The following PALLD variants were observed in gnomAD, a reference collection of about 807,000 sequenced individuals.
PALLD encodes palladin.
In PALLD, 61 loss-of-function variants were observed where a neutral mutation model predicts 123.5. That is an observed-to-expected ratio of 0.49 (90% confidence interval 0.40 to 0.61). PALLD has a LOEUF of 0.61. Among genes scored for constraint, PALLD ranks in the 20% least tolerant of loss-of-function variants. The pLI is 0.00. For missense variants in PALLD, 1,273 were observed against 1,377.0 expected (o/e 0.92, Z 1.20); for synonymous variants, 465 against 496.4 (o/e 0.94, Z 0.84).
At chr4:168,885,108 C>T (rs374009780) in intron 10 of PALLD, among the ~76,000 whole-genome samples, 1 of 152,250 alleles carries the variant, frequency 6.6e-6, no homozygotes, top group African/African-American at 2.4e-5. Context: ...TCTTCTTCTT[C>T]TCCACTCTAC....
At chr4:168,616,182 C>T (rs1181124398) in intron 2 of PALLD, among the ~76,000 whole-genome samples, 1 of 152,126 alleles carries the variant, frequency 6.6e-6, no homozygotes, top group Non-Finnish European at 1.5e-5. Flanking sequence ...CCCACGCTAT[C>T]TTCTCTTTAA....
chr4:168,802,458 G>A (rs953975303), intron 10 of PALLD, among the ~76,000 whole-genome samples: 2 of 152,154 alleles, frequency 1.3e-5, no homozygotes, highest in Non-Finnish European at 2.9e-5. Flanking sequence ...ATAATCCTAA[G>A]TGAATTAACA....
intron 10 of PALLD, among the ~76,000 whole-genome samples, chr4:168,870,791 T>C (rs1290904803): frequency 2.0e-5 from 3 of 152,218 alleles, no homozygotes; most frequent in Non-Finnish European, 4.4e-5. Flanking sequence ...AGCCACACTA[T>C]TTGAACGTTT....
rs187792924 is a variant in PALLD, at chr4:168,661,301, G to A, written c.909-6889G>A. Among the ~76,000 whole-genome samples, 51 of 152,232 alleles carry A rather than the reference G, an allele frequency of 3.4e-4. No individual in the cohort carries two copies. In the East Asian group the frequency reaches 9.5e-3, roughly 28 times the overall value. ...TGTCTACAATTGGATTTTCTTCTCC[G>A]TTAGCCCCTGCTACTAGTCTCATGA... is the stretch of plus-strand genomic sequence containing the variant. On this transcript the variant is annotated intron_variant, in intron 2 of 21. Coordinates refer to ENST00000505667, the MANE Select transcript of PALLD (RefSeq NM_001166108.2).
At chr4:168,893,917 C>A (rs1754577336) in intron 11 of PALLD, among the ~76,000 whole-genome samples, 1 of 152,144 alleles carries the variant, frequency 6.6e-6, no homozygotes, top group Non-Finnish European at 1.5e-5. Context: ...CTTGTGTAAT[C>A]CTGTTGCTAA....
At chr4:168,663,323 A>G (rs1347432359) in intron 2 of PALLD, among the ~76,000 whole-genome samples, 1 of 152,026 alleles carries the variant, frequency 6.6e-6, no homozygotes, top group African/African-American at 2.4e-5. Flanking sequence ...AGCAAGGGGG[A>G]AATGTGGACA....
intron 2 of PALLD, among the ~76,000 whole-genome samples, chr4:168,659,141 A>G (rs1262111573): frequency 2.0e-5 from 3 of 152,354 alleles, no homozygotes; most frequent in Non-Finnish European, 1.5e-5. Context: ...ATGAAATGCA[A>G]TACTTATAGA....
intron 2 of PALLD, among the ~76,000 whole-genome samples, chr4:168,635,240 G>C (rs1226573661): frequency 6.6e-6 from 1 of 152,156 alleles, no homozygotes; most frequent in Admixed American, 6.5e-5. Flanking sequence ...TATACCCTAC[G>C]ATTAATAATG....
At chr4:168,892,147 A>G (rs1009703157) in intron 11 of PALLD, among the ~76,000 whole-genome samples, 2 of 152,172 alleles carry the variant, frequency 1.3e-5, no homozygotes, top group East Asian at 3.8e-4. Context: ...TCCTTTTAAA[A>G]TACTCTTTTC....
chr4:168,877,715 C>G, intron 10 of PALLD: 1 of 1,126,072 alleles, frequency 8.9e-7, no homozygotes, highest in Non-Finnish European at 1.1e-6. Context: ...TTCTCTTTTT[C>G]CCCCCAGGGA....
intron 15 of PALLD, among the ~76,000 whole-genome samples, chr4:168,909,399 A>G (rs997862771): frequency 2.6e-5 from 4 of 152,212 alleles, no homozygotes; most frequent in Non-Finnish European, 4.4e-5. Flanking sequence ...TGCACAAGGT[A>G]TGAAATAATC....
intron 2 of PALLD, among the ~76,000 whole-genome samples, chr4:168,612,254 CAAAA>C (rs5863950): frequency 1.6e-4 from 20 of 127,118 alleles, no homozygotes; most frequent in African/African-American, 4.8e-4. Context: ...TCTAGGTTTA[CAAAA>C]AAAAAAAAAA....
Position 168,511,545 on chromosome 4 carries a change from T to TC in PALLD, c.42dup (p.Ser15LeufsTer11). The stretch of plus-strand genomic sequence containing the variant: ...TCCCATGAGTCCTTCTATGACTCCC[T>TC]CTCAGACATGCAGGAAGAAAGCAAG... On this transcript the variant is annotated frameshift_variant, in exon 2 of 22. Transcript: ENST00000505667. LOFTEE classifies it high-confidence loss of function. 1 of 1,614,058 alleles carries TC rather than the reference T, an allele frequency of 6.2e-7. No homozygotes were observed.
chr4:168,584,681 T>C (rs1770636844), intron 2 of PALLD, among the ~76,000 whole-genome samples: 1 of 152,184 alleles, frequency 6.6e-6, no homozygotes, highest in African/African-American at 2.4e-5. Context: ...GTTTCTGCCA[T>C]CCAAAAATGA....
chr4:168,639,763 C>T (rs1170247760), intron 2 of PALLD, among the ~76,000 whole-genome samples: 1 of 152,064 alleles, frequency 6.6e-6, no homozygotes, highest in Non-Finnish European at 1.5e-5. Context: ...CCAGGATGGT[C>T]TCGATCTTCT....
At position 168,768,722 on chromosome 4, in the gene PALLD, G is replaced by GAC. The variant is rs1264161568; in HGVS notation, c.1964+56800_1964+56801insCA. Among the ~76,000 whole-genome samples the GAC allele has an allele frequency of 4.6e-5, 7 of 152,188 alleles. No individual in the cohort carries two copies. The East Asian group carries it at 1.3e-3, about 29-fold the overall frequency. On this transcript the variant is annotated intron_variant, in intron 10 of 21. Transcript: ENST00000505667. ...GGAGTCTTGCTCTGTCACCAGGCTG[G>GAC]AGTGCAGTGATGCCATCTCGGCTCA... is the stretch of plus-strand genomic sequence containing the variant.
chr4:168,586,494 G>T lies in PALLD; in HGVS notation c.908+74082G>T, dbSNP rs182547921. On this transcript the variant is annotated intron_variant, in intron 2 of 21. Coordinates refer to ENST00000505667, the MANE Select transcript of PALLD (RefSeq NM_001166108.2). ...TCACTAATTTGGGAATTGTGGGAGG[G>T]AGAGGAGGAGCGAATCCCTCTCTTT... 1.6e-4 allele frequency among the ~76,000 whole-genome samples: 25 copies of T among 152,298 alleles called. No homozygotes were observed. The East Asian group carries it at 4.6e-3, about 28-fold the overall frequency.
In PALLD at chr4:168,926,607, C is replaced by A. The variant is rs1307357827; in HGVS notation, c.*427C>A. On this transcript the variant is annotated 3_prime_UTR_variant, in exon 22 of 22. Coordinates refer to ENST00000505667, the MANE Select transcript of PALLD (RefSeq NM_001166108.2). ...GCACAGAAAATACACATTTACTGTC[C>A]AATTTAAAACTTTGGAATTGCTGTG... The A allele has an allele frequency of 6.8e-6, 3 of 443,308 alleles. No homozygotes were observed. Among genetic ancestry groups the A allele is most frequent in the Non-Finnish European group, 8.0e-6 (2 of 249,296 alleles). The allele number at this position is 443,308 out of a possible 1,614,324, so 27.5% of individuals were successfully genotyped here.
chr4:168,563,429 C>A (rs1289679582), intron 2 of PALLD, among the ~76,000 whole-genome samples: 1 of 152,204 alleles, frequency 6.6e-6, no homozygotes, highest in East Asian at 1.9e-4. Context: ...AGTCAGATAT[C>A]TTTCTATTAC....
Sources: allele counts gnomAD v4.1 joint callset (sites outside exome capture counted in the v4.1 genomes callset), GRCh38; gene constraint gnomAD v4.1.1; transcripts MANE v1.5; gene names NCBI Gene and HGNC (gene_info 2026-07-23, HGNC 2026-07-21).